Variants in MED12L observed in about 807,000 individuals in gnomAD.
MED12L encodes mediator complex subunit 12L, also known as mediator of RNA polymerase II transcription subunit 12-like protein.
A neutral mutation model predicts 281.3 loss-of-function variants in MED12L; 60 were observed. The ratio of observed to expected loss-of-function variants is 0.21; its 90% CI spans 0.17 to 0.26. The LOEUF is 0.26. MED12L is among the 10% of genes least tolerant of loss of function. The pLI, the probability that MED12L is intolerant of heterozygous loss-of-function variation, is 1.00. For synonymous variants in MED12L, 974 were observed against 987.2 expected, an observed-to-expected ratio of 0.99 and a Z score of 0.25; for missense variants, 2,146 against 2,680.9, an observed-to-expected ratio of 0.80 and a Z score of 4.41.
intron 27 of MED12L, among the ~76,000 whole-genome samples, chr3:151,374,036 A>G (rs1756510303): frequency 1.3e-5 from 2 of 152,136 alleles, no homozygotes; most frequent in Non-Finnish European, 2.9e-5. Flanking sequence ...TTCAATTCCA[A>G]TCCAACCCCA....
intron 16 of MED12L, among the ~76,000 whole-genome samples, chr3:151,324,582 A>G (rs931602651): frequency 6.6e-6 from 1 of 152,346 alleles, no homozygotes; most frequent in Admixed American, 6.5e-5. Context: ...CTGTGACCTC[A>G]TGCAAGTTAC....
At position 151,403,937 on chromosome 3, in the gene MED12L, TC is replaced by T. The variant is rs201071528; in HGVS notation, c.5821-5305del. ...AGTTTTTCTTGACAGTTTATGGTAT[TC>T]AGGGGGCAGGTGAGGATTTTATTGA... On this transcript the variant is annotated intron_variant, in intron 39 of 44. Transcript: ENST00000687756. 4.1e-4 allele frequency among the ~76,000 whole-genome samples: 63 copies of T among 152,320 alleles called. 1 individual carries two copies. In the East Asian group the frequency reaches 0.012, roughly 29 times the overall value.
chr3:151,221,740 C>T (rs1729407558), intron 16 of MED12L, among the ~76,000 whole-genome samples: 2 of 152,340 alleles, frequency 1.3e-5, no homozygotes, highest in South Asian at 4.1e-4. Context: ...CAGAAGTTTG[C>T]TGCAGGGGCA....
chr3:151,280,698 G>A (rs1742664951), intron 16 of MED12L, among the ~76,000 whole-genome samples: 2 of 151,856 alleles, frequency 1.3e-5, no homozygotes, highest in South Asian at 2.1e-4. Flanking sequence ...GTGAGGGGTG[G>A]GTAGGGGGCA....
rs1018932965 is a variant in MED12L at position 151,368,615 on chromosome 3, A to G, written c.3550+364A>G. Among the ~76,000 whole-genome samples the G allele has an allele frequency of 1.9e-3, 154 of 79,860 alleles. 1 individual carries two copies. The highest frequency in any genetic ancestry group is 6.5e-3 in the African/African-American group (140 of 21,414). 52.4% of individuals were successfully genotyped at this position (79,860 alleles called of 152,430 possible). A position where few individuals can be genotyped will look rare whatever the true frequency, so the allele number is the denominator to read the frequency against. On this transcript the variant is annotated intron_variant, in intron 25 of 44. Transcript: ENST00000687756. Reference sequence around the variant, plus strand: ...ATTTTATTTTATTTTATTTTATTTTATTTTATTTTATTTTATTTCATTTCA... The same window carrying G: ...ATTTTATTTTATTTTATTTTATTTTGTTTTATTTTATTTTATTTCATTTCA...
chr3:151,355,031 G>C (rs187081167), intron 17 of MED12L, 90 bp from the exon 18 acceptor site: 1 of 874,538 alleles, frequency 1.1e-6, no homozygotes, highest in African/African-American at 1.7e-5. Context: ...TTTTCTGTAT[G>C]TATGCTATAC....
intron 16 of MED12L, among the ~76,000 whole-genome samples, chr3:151,333,997 T>C (rs1577354729): frequency 6.6e-6 from 1 of 151,714 alleles, no homozygotes; most frequent in South Asian, 2.1e-4. Flanking sequence ...GAATTGCTTG[T>C]ACCCGGGAGG....
intron 16 of MED12L, 37 bp from the exon 17 acceptor site, chr3:151,350,022 C>G (rs1483359197): frequency 6.3e-7 from 1 of 1,594,196 alleles, no homozygotes; most frequent in East Asian, 2.3e-5. Flanking sequence ...CCCACCCCTG[C>G]AGACAAGAGT....
intron 16 of MED12L, chr3:151,294,275 C>A: frequency 6.2e-7 from 1 of 1,613,782 alleles, no homozygotes; most frequent in Non-Finnish European, 8.5e-7. Flanking sequence ...TTTGAACAGC[C>A]TTCTTGAAAA....
At chr3:151,339,383 G>T (rs1317021385) in intron 16 of MED12L, among the ~76,000 whole-genome samples, 4 of 148,806 alleles carry the variant, frequency 2.7e-5, no homozygotes, top group East Asian at 3.9e-4. Flanking sequence ...GGAAGAAATT[G>T]ATGGAAAATT....
intron 26 of MED12L, 37 bp downstream of exon 26, chr3:151,369,586 A>G: frequency 7.4e-7 from 1 of 1,357,958 alleles, no homozygotes; most frequent in Non-Finnish European, 1.0e-6. Flanking sequence ...TTGGTTAATC[A>G]CCAGAAATGA....
chr3:151,190,872 T>A lies in MED12L; in HGVS notation c.1909T>A (p.Ser637Thr). Residue 637 changes from serine (S) to threonine (T), a missense_variant, in exon 14 of 45, where the codon TCA becomes ACA. Physicochemically the swap from Ser to Thr is moderately conservative, Grantham distance 58. This residue lies in a region of MED12L where 722 missense variants were observed against 861.2 expected (regional missense o/e 0.84). Coordinates refer to ENST00000687756, the MANE Select transcript of MED12L (RefSeq NM_001393769.1). ...AGTCACTGCCTCAACTCGGCCGCGG[T>A]CACCAGTAGGGGAAAATGCAGATGA... ...LSVTASTRPR[S>T]PVGENADEHY... is the part of the protein sequence containing the mutation. The A allele has an allele frequency of 6.2e-7, 1 of 1,614,142 alleles. No homozygotes were observed. The highest frequency in any genetic ancestry group is 8.5e-7 in the Non-Finnish European group (1 of 1,180,040).
chr3:151,407,139 T>C (rs1454513571), intron 39 of MED12L, among the ~76,000 whole-genome samples: 1 of 152,188 alleles, frequency 6.6e-6, no homozygotes, highest in African/African-American at 2.4e-5. Context: ...TCAACTAATA[T>C]ATGTAAATAA....
At chr3:151,133,811 C>G (rs1379502921) in intron 5 of MED12L, among the ~76,000 whole-genome samples, 3 of 152,094 alleles carry the variant, frequency 2.0e-5, no homozygotes, top group Admixed American at 2.0e-4. Flanking sequence ...TTAAAACAGG[C>G]TAGCTAATAC....
In MED12L at chr3:151,436,163, G is replaced by A. The variant is rs1328608787; in HGVS notation, c.*3359G>A. 1 of 152,210 alleles carries A rather than the reference G, an allele frequency of 6.6e-6. No individual in the cohort carries two copies. The allele number at this position is 152,210 out of a possible 1,614,324, so 9.4% of individuals were successfully genotyped here. ...TATTCCCCATCAATGAAAATTTTCA[G>A]TGTGAACAAATGGTGAATCATAAGA... On this transcript the variant is annotated 3_prime_UTR_variant, in exon 45 of 45. Transcript: ENST00000687756.
chr3:151,397,035 T>C (rs1467458204), intron 39 of MED12L, among the ~76,000 whole-genome samples: 4 of 152,242 alleles, frequency 2.6e-5, no homozygotes, highest in African/African-American at 9.6e-5. Context: ...CCGACAGTTG[T>C]ACTGCTTGTA....
intron 16 of MED12L, among the ~76,000 whole-genome samples, chr3:151,218,966 A>G (rs1728798462): frequency 6.6e-6 from 1 of 152,028 alleles, no homozygotes; most frequent in Non-Finnish European, 1.5e-5. Context: ...TTGTTTCACA[A>G]ATCCAGATAT....
intron 39 of MED12L, among the ~76,000 whole-genome samples, chr3:151,398,389 A>G (rs1715251167): frequency 6.6e-6 from 1 of 152,224 alleles, no homozygotes; most frequent in Admixed American, 6.5e-5. Context: ...CTTCAGTGAT[A>G]CACAATGAAA....
At chr3:151,117,915 AC>A (rs1713090554) in intron 3 of MED12L, among the ~76,000 whole-genome samples, 1 of 151,950 alleles carries the variant, frequency 6.6e-6, no homozygotes, top group African/African-American at 2.4e-5. Context: ...ACATGGTGAA[AC>A]CCTGTCTCTA....
Sources: allele counts gnomAD v4.1 joint callset (sites outside exome capture counted in the v4.1 genomes callset), GRCh38; gene constraint gnomAD v4.1.1; regional missense constraint gnomAD v4.1.1; transcripts MANE v1.5; gene names NCBI Gene and HGNC (gene_info 2026-07-23, HGNC 2026-07-21).